GLT1D1: variants seen among roughly 807,000 people sequenced by gnomAD.
GLT1D1 encodes glycosyltransferase 1 domain containing 1, also known as glycosyltransferase 1 domain-containing protein 1.
GLT1D1 carries 21 observed loss-of-function variants against 28.7 expected under a neutral mutation model. That is an observed-to-expected ratio of 0.73 (90% CI 0.52 to 1.05). GLT1D1 has a LOEUF of 1.05. GLT1D1 is among the 50% of genes least tolerant of loss of function. GLT1D1 has a pLI of 0.00. For missense variants in GLT1D1, 343 were observed against 330.6 expected, an observed-to-expected ratio of 1.04 and a Z score of -0.29; for synonymous variants, 147 against 124.8, an observed-to-expected ratio of 1.18 and a Z score of -1.19.
chr12:128,879,378 T>TTTCTTTC (rs1956953393), intron 2 of GLT1D1, among the ~76,000 whole-genome samples: 896 of 70,002 alleles, frequency 0.013, 112 homozygotes, highest in South Asian at 0.02. Flanking sequence ...ATTTTTTTCT[T>TTTCTTTC]TTTCTTTCTT....
chr12:128,854,799 C>T (rs1168312124), intron 1 of GLT1D1, among the ~76,000 whole-genome samples: 1 of 152,144 alleles, frequency 6.6e-6, no homozygotes, highest in African/African-American at 2.4e-5. Context: ...GCCCGGCCTC[C>T]TCATCATTAA....
intron 4 of GLT1D1, among the ~76,000 whole-genome samples, chr12:128,922,872 G>A (rs961982878): frequency 3.6e-5 from 5 of 138,454 alleles, no homozygotes; most frequent in African/African-American, 1.1e-4. Context: ...GCAGTGAGCC[G>A]AGAACGCACC....
intron 6 of GLT1D1, among the ~76,000 whole-genome samples, chr12:128,948,368 G>A (rs1876344722): frequency 6.6e-6 from 1 of 152,148 alleles, no homozygotes; most frequent in Non-Finnish European, 1.5e-5. Context: ...CCAGAAAAGG[G>A]CAGGCTGGGC....
chr12:128,982,106 C>G (rs1880370937), intron 7 of GLT1D1, among the ~76,000 whole-genome samples: 1 of 152,206 alleles, frequency 6.6e-6, no homozygotes, highest in South Asian at 2.1e-4. Flanking sequence ...CACCAAGGGT[C>G]TGCAAGCCTT....
chr12:128,876,986 C>A (rs1956884178), intron 2 of GLT1D1, among the ~76,000 whole-genome samples: 1 of 152,186 alleles, frequency 6.6e-6, no homozygotes. Context: ...TGAAGTCAAA[C>A]AACAATACAC....
intron 4 of GLT1D1, chr12:128,944,624 T>C: frequency 2.7e-6 from 2 of 737,492 alleles, no homozygotes; most frequent in Non-Finnish European, 5.1e-6. Flanking sequence ...TTAATCACTG[T>C]GTCGGTCTGA....
chr12:128,881,688 G>C (rs1351683775), intron 2 of GLT1D1, among the ~76,000 whole-genome samples: 1 of 141,726 alleles, frequency 7.1e-6, no homozygotes, highest in Non-Finnish European at 1.5e-5. Context: ...ATTTTTTATG[G>C]AGTATTTAGT....
chr12:128,944,189 T>A (rs1419155974), intron 4 of GLT1D1: 1 of 423,216 alleles, frequency 2.4e-6, no homozygotes, highest in African/African-American at 2.0e-5. Context: ...CATACTGGAA[T>A]TCTTAGGAAA....
chr12:128,949,130 C>T (rs1460535687), intron 6 of GLT1D1, among the ~76,000 whole-genome samples: 1 of 152,160 alleles, frequency 6.6e-6, no homozygotes, highest in African/African-American at 2.4e-5. Context: ...CTTATGGTAC[C>T]AGTATTTGAA....
rs867853959 is a variant in GLT1D1, at chr12:128,927,068, T to C, written c.376-18258T>C. 57 of 1,488,788 alleles carry C rather than the reference T, an allele frequency of 3.8e-5. 1 individual carries two copies. The Middle Eastern group carries it at 1.0e-3, about 26-fold the overall frequency. 92.2% of individuals were successfully genotyped at this position (1,488,788 alleles called of 1,614,324 possible). On this transcript the variant is annotated intron_variant, in intron 4 of 7. Coordinates refer to ENST00000281703, the MANE Select transcript of GLT1D1 (RefSeq NM_144669.3). ...TGCTTGCAGCTGTGACTTAAACCCATTTGAAGTGTTTTTTTGTCTTCTTTT... is the reference window on the plus strand; with the variant it reads ...TGCTTGCAGCTGTGACTTAAACCCACTTGAAGTGTTTTTTTGTCTTCTTTT...
intron 4 of GLT1D1, among the ~76,000 whole-genome samples, chr12:128,903,605 G>A (rs1328980230): frequency 6.6e-6 from 1 of 151,664 alleles, no homozygotes; most frequent in Non-Finnish European, 1.5e-5. Flanking sequence ...CTTGAGAAAG[G>A]GACATGAGGT....
rs1375193506 is a variant in GLT1D1, at chr12:128,936,962, A to AG, written c.376-8363dup. Among the ~76,000 whole-genome samples the AG allele has an allele frequency of 2.0e-5, 3 of 152,362 alleles. No homozygotes were observed. The East Asian group carries it at 5.8e-4, about 29-fold the overall frequency. ...GTGAACTGATGTGGAAGGTAAATCC[A>AG]GAAAAATTTAATGCAGTTTTTAGTT... On this transcript the variant is annotated intron_variant, in intron 4 of 7. Coordinates refer to ENST00000281703, the MANE Select transcript of GLT1D1 (RefSeq NM_144669.3).
chr12:128,875,932 A>AGG lies in GLT1D1; in HGVS notation c.89_90dup (p.His31GlyfsTer6). 1 of 1,613,888 alleles carries AGG rather than the reference A, an allele frequency of 6.2e-7. No homozygotes were observed. The highest frequency in any genetic ancestry group is 8.5e-7 in the Non-Finnish European group (1 of 1,179,892). ...GATAAAGGGCCCATCTAGAGGCTGC[A>AGG]GGGCACGTGTGCGTTTTGAAGGATG... is the stretch of plus-strand genomic sequence containing the variant. On this transcript the variant is annotated frameshift_variant, in exon 2 of 8. Coordinates refer to ENST00000281703, the MANE Select transcript of GLT1D1 (RefSeq NM_144669.3). LOFTEE classifies it high-confidence loss of function.
intron 4 of GLT1D1, among the ~76,000 whole-genome samples, chr12:128,900,691 A>C (rs1173256175): frequency 6.7e-6 from 1 of 149,642 alleles, no homozygotes; most frequent in Non-Finnish European, 1.5e-5. Context: ...GCTAGAGTGT[A>C]ATGGTGCTAT....
chr12:128,966,449 T>A (rs1387860692), intron 7 of GLT1D1, among the ~76,000 whole-genome samples: 4 of 152,148 alleles, frequency 2.6e-5, no homozygotes, highest in African/African-American at 9.7e-5. Context: ...TCACCACCCT[T>A]CCCTATCTTA....
intron 7 of GLT1D1, among the ~76,000 whole-genome samples, chr12:128,970,648 GAGCTTTGCT>G (rs1878946001): frequency 6.6e-6 from 1 of 152,240 alleles, no homozygotes; most frequent in Non-Finnish European, 1.5e-5. Flanking sequence ...TCCGGCACCT[GAGCTTTGCT>G]CACCCTCTGT....
chr12:128,876,914 C>CAAAA (rs974473681), intron 2 of GLT1D1, among the ~76,000 whole-genome samples: 1 of 152,170 alleles, frequency 6.6e-6, no homozygotes, highest in African/African-American at 2.4e-5. Context: ...CTCCCTGACA[C>CAAAA]AAAGCTACAA....
chr12:128,889,595 C>T (rs1868800926), intron 3 of GLT1D1, among the ~76,000 whole-genome samples: 2 of 152,172 alleles, frequency 1.3e-5, no homozygotes, highest in Admixed American at 1.3e-4. Context: ...AGAATTCCTT[C>T]CAGCGCTGTA....
chr12:128,916,094 C>T (rs886698137), intron 4 of GLT1D1, among the ~76,000 whole-genome samples: 3 of 152,132 alleles, frequency 2.0e-5, no homozygotes. Context: ...TGTTCTTGAA[C>T]TTCATCTAAG....
Sources: allele counts gnomAD v4.1 joint callset (sites outside exome capture counted in the v4.1 genomes callset), GRCh38; gene constraint gnomAD v4.1.1; transcripts MANE v1.5; gene names NCBI Gene and HGNC (gene_info 2026-07-23, HGNC 2026-07-21).